Variants in RTKN2 observed in about 807,000 individuals in gnomAD.
The protein encoded by RTKN2 is rhotekin 2.
Under a neutral mutation model 71.5 loss-of-function variants are expected in RTKN2, and 69 were observed. The ratio of observed to expected loss-of-function variants is 0.96; its 90% CI spans 0.79 to 1.18. The LOEUF (loss-of-function observed/expected upper bound fraction) is 1.18. Ranked by LOEUF, RTKN2 falls within the 50% of genes most tolerant of loss-of-function variation. RTKN2 has a pLI of 0.00. For synonymous variants in RTKN2, 236 were observed against 236.5 expected (o/e 1.00, Z 0.02); for missense variants, 724 against 719.7 (o/e 1.01, Z -0.07).
intron 7 of RTKN2, among the ~76,000 whole-genome samples, chr10:62,221,880 C>T (rs796818255): frequency 2.6e-5 from 4 of 152,178 alleles, no homozygotes; most frequent in African/African-American, 7.2e-5. Flanking sequence ...TGCAGAAATT[C>T]AATAGATATA....
intron 7 of RTKN2, 64 bp from the exon 8 acceptor site, chr10:62,218,365 T>C: frequency 9.4e-7 from 1 of 1,068,800 alleles, no homozygotes; most frequent in Non-Finnish European, 1.4e-6. Context: ...AAGGTCATCA[T>C]ACATTTTGAT....
In RTKN2 at chr10:62,197,607, T is replaced by G; in HGVS notation, c.*301A>C. 1 of 1,096,914 alleles carries G rather than the reference T, an allele frequency of 9.1e-7. No homozygotes were observed. The highest frequency in any genetic ancestry group is 1.1e-6 in the Non-Finnish European group (1 of 902,280). The allele number at this position is 1,096,914 out of a possible 1,614,324, so 67.9% of individuals were successfully genotyped here. A position where few individuals can be genotyped will look rare whatever the true frequency, so the allele number is the denominator to read the frequency against. ...CAAAAGAAATTTTAATGCTTTATTC[T>G]GCCTAGGGCTTATTCACTGCCTGGT... is the stretch of plus-strand genomic sequence containing the variant. On this transcript the variant is annotated 3_prime_UTR_variant, in exon 12 of 12. Coordinates refer to ENST00000373789, the MANE Select transcript of RTKN2 (RefSeq NM_145307.4).
At chr10:62,217,973 G>A (rs1295123678) in intron 8 of RTKN2, among the ~76,000 whole-genome samples, 9 of 152,130 alleles carry the variant, frequency 5.9e-5, no homozygotes, top group Non-Finnish European at 1.2e-4. Flanking sequence ...GGAGCATGGA[G>A]AGGTAGCGCC....
rs1049525400 is a variant in RTKN2, at chr10:62,195,034, C to T, written c.*2874G>A. Reference sequence around the variant, plus strand: ...GTGTGCATTTAGAATTTTAAAAATGCCTTCTTTGCCCTTGCAAGATATTAA... The same window carrying T: ...GTGTGCATTTAGAATTTTAAAAATGTCTTCTTTGCCCTTGCAAGATATTAA... On this transcript the variant is annotated 3_prime_UTR_variant, in exon 12 of 12. Transcript: ENST00000373789. 6 of 984,888 alleles carry T rather than the reference C, an allele frequency of 6.1e-6. No individual in the cohort carries two copies. Among genetic ancestry groups the T allele is most frequent in the African/African-American group, 1.7e-5 (1 of 57,222 alleles). 61.0% of individuals were successfully genotyped at this position (984,888 alleles called of 1,614,324 possible).
intron 10 of RTKN2, among the ~76,000 whole-genome samples, chr10:62,201,873 C>T (rs1207987105): frequency 6.6e-6 from 1 of 151,788 alleles, no homozygotes; most frequent in Admixed American, 6.6e-5. Flanking sequence ...ACATGATAGC[C>T]AATATGCTAA....
intron 2 of RTKN2, among the ~76,000 whole-genome samples, chr10:62,251,017 T>TG (rs1429622033): frequency 6.6e-6 from 1 of 152,222 alleles, no homozygotes; most frequent in Non-Finnish European, 1.5e-5. Context: ...ATCATCCCTT[T>TG]GTCCAGTGTA....
At chr10:62,268,196 G>A (rs1044150438) in intron 1 of RTKN2, among the ~76,000 whole-genome samples, 6 of 152,190 alleles carry the variant, frequency 3.9e-5, no homozygotes, top group Non-Finnish European at 5.9e-5. Flanking sequence ...TGGCCTCGCT[G>A]GGTTTCTTGG....
intron 6 of RTKN2, 65 bp from the exon 7 acceptor site, chr10:62,223,397 G>T (rs762985276): frequency 7.4e-6 from 7 of 945,658 alleles, no homozygotes; most frequent in Non-Finnish European, 1.2e-5. Context: ...CAAAATATTT[G>T]TATGTTCAAC....
chr10:62,214,053 A>G (rs1271935209), intron 9 of RTKN2, among the ~76,000 whole-genome samples: 1 of 152,002 alleles, frequency 6.6e-6, no homozygotes, highest in Non-Finnish European at 1.5e-5. Context: ...AAAGAGAAAA[A>G]GGCTTCTAAA....
At chr10:62,225,614 G>A (rs1842003795) in intron 6 of RTKN2, among the ~76,000 whole-genome samples, 1 of 152,086 alleles carries the variant, frequency 6.6e-6, no homozygotes, top group African/African-American at 2.4e-5. Flanking sequence ...GAACATGGAT[G>A]ACTTCATTAC....
intron 1 of RTKN2, among the ~76,000 whole-genome samples, chr10:62,263,831 CTAAG>C (rs1443474340): frequency 5.3e-5 from 8 of 152,120 alleles, no homozygotes; most frequent in Non-Finnish European, 1.2e-4. Context: ...CATGAAACTA[CTAAG>C]TATTTTATTG....
intron 3 of RTKN2, among the ~76,000 whole-genome samples, chr10:62,241,807 T>C (rs1051623950): frequency 6.6e-6 from 1 of 152,192 alleles, no homozygotes; most frequent in Non-Finnish European, 1.5e-5. Context: ...TAAGTGATTC[T>C]CCAGCCTCAG....
intron 3 of RTKN2, among the ~76,000 whole-genome samples, chr10:62,241,684 A>G (rs151066187): frequency 4.2e-4 from 64 of 151,712 alleles, no homozygotes; most frequent in African/African-American, 1.5e-3. Flanking sequence ...GCTCAAGCAA[A>G]CCTCCCACCT....
chr10:62,198,423 G>A lies in RTKN2; in HGVS notation c.1315C>T (p.Leu439Phe), dbSNP rs1249886222. 1 of 1,516,656 alleles carries A rather than the reference G, an allele frequency of 6.6e-7. No individual in the cohort carries two copies. Among genetic ancestry groups the A allele is most frequent in the Non-Finnish European group, 8.9e-7 (1 of 1,123,818 alleles). The allele number at this position is 1,516,656 out of a possible 1,614,324, so 93.9% of individuals were successfully genotyped here. Reference sequence around the variant, plus strand: ...TGTATTATATCCGTTAAACTTTCAAGTTTCATAGGTGAATCAATGCCTATA... The same window carrying A: ...TGTATTATATCCGTTAAACTTTCAAATTTCATAGGTGAATCAATGCCTATA... ...HDMSIDSPMK[L>F]ESLTDIIQKK... The change falls in exon 12 of 12, where the codon CTT (leucine) becomes TTT (phenylalanine). Residue 439 changes from leucine to phenylalanine, a missense_variant. Coordinates refer to ENST00000373789, the MANE Select transcript of RTKN2 (RefSeq NM_145307.4).
chr10:62,214,919 A>C, intron 9 of RTKN2: 3 of 531,418 alleles, frequency 5.6e-6, no homozygotes, highest in Non-Finnish European at 1.0e-5. Context: ...TGAGCCATAT[A>C]ATTTTCCTTA....
At chr10:62,225,078 G>A (rs1841992136) in intron 6 of RTKN2, among the ~76,000 whole-genome samples, 1 of 152,160 alleles carries the variant, frequency 6.6e-6, no homozygotes, top group Non-Finnish European at 1.5e-5. Flanking sequence ...ACTCAACTAG[G>A]CCTCAACCTT....
rs529288881 is a variant in RTKN2, at chr10:62,195,453, T to A, written c.*2455A>T. ...CAGTGCTTAACTATTTTTAGATTTT[T>A]TTTTTAAACTGTAAAGGAAGGGAGG... On this transcript the variant is annotated 3_prime_UTR_variant, in exon 12 of 12. Coordinates refer to ENST00000373789, the MANE Select transcript of RTKN2 (RefSeq NM_145307.4). 1 of 977,120 alleles carries A rather than the reference T, an allele frequency of 1.0e-6. No individual in the cohort carries two copies. Among genetic ancestry groups the A allele is most frequent in the African/African-American group, 1.7e-5 (1 of 57,158 alleles). 60.5% of individuals were successfully genotyped at this position (977,120 alleles called of 1,614,324 possible). A position where few individuals can be genotyped will look rare whatever the true frequency, so the allele number is the denominator to read the frequency against.
At chr10:62,192,223 T>C (rs966664440), downstream of RTKN2, among the ~76,000 whole-genome samples, 9 of 152,132 alleles carry the variant, frequency 5.9e-5, no homozygotes, top group Non-Finnish European at 8.8e-5. Context: ...CTCTTGTGTG[T>C]GTTAAGGGGG....
chr10:62,257,486 T>A (rs912599100), intron 2 of RTKN2, among the ~76,000 whole-genome samples: 2 of 152,246 alleles, frequency 1.3e-5, no homozygotes, highest in Non-Finnish European at 2.9e-5. Flanking sequence ...CCAGAACAAG[T>A]GGGTTTTATC....
Sources: allele counts gnomAD v4.1 joint callset (sites outside exome capture counted in the v4.1 genomes callset), GRCh38; gene constraint gnomAD v4.1.1; transcripts MANE v1.5; gene names NCBI Gene and HGNC (gene_info 2026-07-23, HGNC 2026-07-21).